Variants in RBM47 observed in about 807,000 individuals in gnomAD.
The protein encoded by RBM47 is RNA-binding protein 47.
Under a neutral mutation model 47.1 loss-of-function variants are expected in RBM47, and 21 were observed. That is an observed-to-expected ratio of 0.45 (90% CI 0.32 to 0.64). The LOEUF is 0.64. RBM47 is among the 30% of genes least tolerant of loss of function. RBM47 has a pLI of 0.05. For synonymous variants in RBM47, 375 were observed against 361.7 expected, an observed-to-expected ratio of 1.04 and a Z score of -0.42; for missense variants, 708 against 870.9, an observed-to-expected ratio of 0.81 and a Z score of 2.35.
intron 1 of RBM47, among the ~76,000 whole-genome samples, chr4:40,596,288 G>T (rs1334797003): frequency 6.6e-6 from 1 of 152,216 alleles, no homozygotes; most frequent in Non-Finnish European, 1.5e-5. Context: ...GGAGGAGAAA[G>T]GTGGATCATT....
chr4:40,533,961 A>G (rs994896320), intron 2 of RBM47, among the ~76,000 whole-genome samples: 27 of 151,586 alleles, frequency 1.8e-4, no homozygotes, highest in African/African-American at 5.8e-4. Context: ...GATTACAGGC[A>G]TGCACCACCA....
intron 2 of RBM47, among the ~76,000 whole-genome samples, chr4:40,467,170 TCTTCCTGCAGGGTC>T (rs1718176364): frequency 6.6e-6 from 1 of 152,170 alleles, no homozygotes; most frequent in South Asian, 2.1e-4. Context: ...ATCTTCAAAC[TCTTCCTGCAGGGTC>T]CAGAGAGGGT....
At chr4:40,515,419 A>C (rs1725456842) in intron 2 of RBM47, among the ~76,000 whole-genome samples, 1 of 152,194 alleles carries the variant, frequency 6.6e-6, no homozygotes, top group Non-Finnish European at 1.5e-5. Flanking sequence ...GCTACAGTCA[A>C]GCCCACTCGC....
chr4:40,521,554 G>C (rs1015714605), intron 2 of RBM47, among the ~76,000 whole-genome samples: 15 of 152,128 alleles, frequency 9.9e-5, no homozygotes, highest in African/African-American at 3.6e-4. Flanking sequence ...TATTCTGTGC[G>C]ATGAAACAGA....
chr4:40,567,641 C>A (rs992893812), intron 1 of RBM47, among the ~76,000 whole-genome samples: 15 of 151,966 alleles, frequency 9.9e-5, no homozygotes, highest in Non-Finnish European at 1.2e-4. Context: ...GTTTATAGCA[C>A]AACATACACA....
At chr4:40,615,652 A>C (rs944518870) in intron 1 of RBM47, among the ~76,000 whole-genome samples, 1 of 152,074 alleles carries the variant, frequency 6.6e-6, no homozygotes, top group Non-Finnish European at 1.5e-5. Context: ...ATAATGGTAC[A>C]TGCCTGTAAT....
intron 2 of RBM47, among the ~76,000 whole-genome samples, chr4:40,524,416 T>C (rs1344237279): frequency 6.6e-6 from 1 of 152,212 alleles, no homozygotes; most frequent in East Asian, 1.9e-4. Flanking sequence ...TTTCTAAAGA[T>C]GGTTGGCTTT....
At chr4:40,535,371 C>CTTTTTTTTTTTTTTTTTCTTTTTTT (rs1553897873) in intron 2 of RBM47, among the ~76,000 whole-genome samples, 4 of 103,434 alleles carry the variant, frequency 3.9e-5, no homozygotes, top group African/African-American at 4.3e-5. Context: ...TATGGTATTT[C>CTTTTTTTTTTTTTTTTTCTTTTTTT]TTTTTTTTTT....
At chr4:40,508,541 C>T (rs2154252503) in intron 2 of RBM47, among the ~76,000 whole-genome samples, 1 of 152,338 alleles carries the variant, frequency 6.6e-6, no homozygotes, top group South Asian at 2.1e-4. Context: ...ATTATAACTA[C>T]ATGAAACTAT....
intron 1 of RBM47, among the ~76,000 whole-genome samples, chr4:40,618,532 TG>T (rs1736948818): frequency 6.6e-6 from 1 of 151,986 alleles, no homozygotes. Flanking sequence ...AACTTCTAGC[TG>T]GGGGTAGTGG....
chr4:40,500,996 A>T (rs1248779191), intron 2 of RBM47, among the ~76,000 whole-genome samples: 1 of 152,156 alleles, frequency 6.6e-6, no homozygotes, highest in African/African-American at 2.4e-5. Flanking sequence ...GTCAATATTT[A>T]AACTGGCCAC....
intron 3 of RBM47, 25 bp from the exon 4 acceptor site, chr4:40,438,949 G>C (rs1713197881): frequency 6.8e-7 from 1 of 1,466,672 alleles, no homozygotes. Flanking sequence ...AGAAGCGTGA[G>C]TGGGGAACCG....
intron 1 of RBM47, among the ~76,000 whole-genome samples, chr4:40,600,513 A>G (rs1265090312): frequency 6.6e-6 from 1 of 151,492 alleles, no homozygotes; most frequent in African/African-American, 2.4e-5. Context: ...GGGCGCCTGT[A>G]GTCCCAGCTA....
intron 1 of RBM47, among the ~76,000 whole-genome samples, chr4:40,572,034 A>AC (rs1731772371): frequency 7.0e-6 from 1 of 143,808 alleles, no homozygotes; most frequent in Admixed American, 6.9e-5. Flanking sequence ...AAAAGAAAAA[A>AC]AAAAAGAATT....
chr4:40,438,225 G>A lies in RBM47; in HGVS notation c.669C>T (p.Gly223=). The change falls in exon 4 of 7, where the codon GGC becomes GGT. Residue 223 remains glycine (G), a synonymous_variant. Coordinates refer to ENST00000295971, the MANE Select transcript of RBM47 (RefSeq NM_001098634.2). ...CGGCCCAGTCCACGGCGATCTGGTG[G>A]CCCCACAGCTGGATGCGGCCAGGCA... ...KLMPGRIQLW[G]HQIAVDWAEP... 6.2e-7 allele frequency: 1 copy of A among 1,605,488 alleles called. No homozygotes were observed. Among genetic ancestry groups the A allele is most frequent in the Non-Finnish European group, 8.5e-7 (1 of 1,179,934 alleles).
intron 1 of RBM47, among the ~76,000 whole-genome samples, chr4:40,566,882 C>T (rs1020551635): frequency 6.6e-6 from 1 of 151,676 alleles, no homozygotes. Context: ...TTTATCCTCC[C>T]ATGAGTCCTC....
chr4:40,613,747 G>A (rs1187986297), intron 1 of RBM47, among the ~76,000 whole-genome samples: 1 of 151,384 alleles, frequency 6.6e-6, no homozygotes, highest in Non-Finnish European at 1.5e-5. Context: ...GCTTGAACCA[G>A]GAGTTCAAGA....
chr4:40,555,531 T>C (rs1396450869), intron 1 of RBM47, among the ~76,000 whole-genome samples: 1 of 152,198 alleles, frequency 6.6e-6, no homozygotes, highest in Non-Finnish European at 1.5e-5. Context: ...ATATTATCTT[T>C]CTAAAATCTG....
At chr4:40,428,498 A>G (rs1432228400) in intron 6 of RBM47, among the ~76,000 whole-genome samples, 1 of 152,224 alleles carries the variant, frequency 6.6e-6, no homozygotes, top group Non-Finnish European at 1.5e-5. Flanking sequence ...GAGCTCCAGA[A>G]CTGGAAAGAC....
Sources: gnomAD v4.1 joint callset for allele counts (sites outside exome capture counted in the v4.1 genomes callset) on GRCh38, gnomAD v4.1.1 for gene constraint, MANE v1.5 for transcripts, NCBI Gene and HGNC (gene_info 2026-07-23, HGNC 2026-07-21) for gene names.